Variants in BICDL1 observed in about 807,000 individuals in gnomAD.
BICDL1 encodes the protein BICD family-like cargo adapter 1.
In BICDL1, 20 loss-of-function variants were observed where a neutral mutation model predicts 76.8. The observed-to-expected ratio is 0.26, with a 90% CI of 0.18 to 0.38. BICDL1 has a LOEUF of 0.38. BICDL1 is among the 10% of genes least tolerant of loss of function. The pLI is 1.00. For missense variants in BICDL1, 700 were observed against 798.6 expected (o/e 0.88, Z 1.49); for synonymous variants, 383 against 337.1 (o/e 1.14, Z -1.49).
At chr12:120,077,969 C>A (rs75499226) in intron 7 of BICDL1, among the ~76,000 whole-genome samples, 19,041 of 152,206 alleles carry the variant, frequency 0.13, 1,490 homozygotes, top group East Asian at 0.38. Context: ...CCTCTGGTTT[C>A]CCTCTTGCCC....
chr12:120,062,044 T>C (rs1953116808), intron 3 of BICDL1, among the ~76,000 whole-genome samples: 3 of 152,188 alleles, frequency 2.0e-5, no homozygotes, highest in Admixed American at 2.0e-4. Context: ...ACGAATGACC[T>C]ACATTTTACT....
intron 2 of BICDL1, among the ~76,000 whole-genome samples, chr12:120,034,878 C>T (rs952066400): frequency 2.0e-5 from 3 of 152,232 alleles, no homozygotes; most frequent in African/African-American, 7.2e-5. Flanking sequence ...CCTGCCACTT[C>T]CAGTCTCTGT....
chr12:120,034,905 A>C (rs1952501752), intron 2 of BICDL1, among the ~76,000 whole-genome samples: 1 of 152,066 alleles, frequency 6.6e-6, no homozygotes, highest in African/African-American at 2.4e-5. Context: ...TAACCTTTAC[A>C]TTTTTATTTT....
At chr12:120,086,507 C>A (rs1187224188) in intron 8 of BICDL1, among the ~76,000 whole-genome samples, 1 of 152,154 alleles carries the variant, frequency 6.6e-6, no homozygotes, top group Non-Finnish European at 1.5e-5. Context: ...TTGGGTGGGG[C>A]CCACTTCTTT....
chr12:120,062,128 C>G (rs1953118514), intron 3 of BICDL1, among the ~76,000 whole-genome samples: 1 of 152,190 alleles, frequency 6.6e-6, no homozygotes, highest in Admixed American at 6.5e-5. Context: ...TCGCCTTTCT[C>G]TATTCCATTT....
chr12:120,030,953 A>T (rs542455273), intron 2 of BICDL1, among the ~76,000 whole-genome samples: 2 of 152,164 alleles, frequency 1.3e-5, no homozygotes, highest in Non-Finnish European at 2.9e-5. Flanking sequence ...AATTTCTCTT[A>T]TAGAACATGT....
intron 6 of BICDL1, 75 bp from the exon 7 acceptor site, chr12:120,074,368 A>T: frequency 1.0e-6 from 1 of 959,622 alleles, no homozygotes; most frequent in Non-Finnish European, 1.3e-6. Flanking sequence ...TCCCCGACTA[A>T]CCATCTCTCT....
intron 2 of BICDL1, among the ~76,000 whole-genome samples, chr12:120,048,361 TTTG>T (rs1952787980): frequency 1.3e-5 from 2 of 152,280 alleles, no homozygotes; most frequent in African/African-American, 4.8e-5. Context: ...AAGCTTAAGT[TTTG>T]TTTTAGTTTC....
chr12:120,036,238 C>T (rs1245899350), intron 2 of BICDL1, among the ~76,000 whole-genome samples: 1 of 152,132 alleles, frequency 6.6e-6, no homozygotes, highest in African/African-American at 2.4e-5. Context: ...GACAGCTTCT[C>T]CAATTATTTT....
chr12:120,007,358 GA>G (rs370041630), intron 2 of BICDL1, among the ~76,000 whole-genome samples: 23 of 152,262 alleles, frequency 1.5e-4, no homozygotes, highest in Middle Eastern at 3.4e-3. Flanking sequence ...GCTCTCTCAG[GA>G]CCTGAGACTC....
intron 2 of BICDL1, among the ~76,000 whole-genome samples, chr12:120,054,024 A>C (rs558659913): frequency 6.6e-6 from 1 of 152,094 alleles, no homozygotes; most frequent in Non-Finnish European, 1.5e-5. Flanking sequence ...AATATAAAAA[A>C]AATAAGCCAG....
Position 120,094,439 on chromosome 12 carries a change from A to G in BICDL1, c.*1278A>G, listed in dbSNP as rs943069312. On this transcript the variant is annotated 3_prime_UTR_variant, in exon 10 of 10. Coordinates refer to ENST00000548673, the MANE Select transcript of BICDL1 (RefSeq NM_001367886.1). ...AAAGGCATATTTTTAGAAAAACAGC[A>G]CACCACTGCTTCTTTTGAAAATAGT... 3.3e-5 allele frequency: 11 copies of G among 330,194 alleles called. No homozygotes were observed. The highest frequency in any genetic ancestry group is 4.9e-5 in the Non-Finnish European group (8 of 162,538). 20.5% of individuals were successfully genotyped at this position (330,194 alleles called of 1,614,324 possible).
rs1466744895 is a variant in BICDL1 at position 120,074,520 on chromosome 12, G to A, written c.1386G>A (p.Glu462=). The change falls in exon 7 of 10, where the codon GAG becomes GAA. Residue 462 remains glutamate (E), a synonymous_variant. Coordinates refer to ENST00000548673, the MANE Select transcript of BICDL1 (RefSeq NM_001367886.1). ...QTSEDSRALR[E]LMEGERGKLR... ...GTGAGGACTCGAGAGCCCTAAGGGA[G>A]CTCATGGAGGGAGAGAGGGGTAAAC... 1.6e-6 allele frequency: 2 copies of A among 1,281,452 alleles called. No homozygotes were observed. Among genetic ancestry groups the A allele is most frequent in the Admixed American group, 4.7e-5 (2 of 42,308 alleles). The allele number at this position is 1,281,452 out of a possible 1,614,324, so 79.4% of individuals were successfully genotyped here. A position where few individuals can be genotyped will look rare whatever the true frequency, so the allele number is the denominator to read the frequency against.
In BICDL1 at chr12:120,094,251, A is replaced by C. The variant is rs886185987; in HGVS notation, c.*1090A>C. The C allele has an allele frequency of 1.8e-5, 8 of 456,518 alleles. No individual in the cohort carries two copies. In the East Asian group the frequency reaches 4.9e-4, roughly 28 times the overall value. The allele number at this position is 456,518 out of a possible 1,614,324, so 28.3% of individuals were successfully genotyped here. On this transcript the variant is annotated 3_prime_UTR_variant, in exon 10 of 10. Coordinates refer to ENST00000548673, the MANE Select transcript of BICDL1 (RefSeq NM_001367886.1). ...CCCGGCCAGCCCTCAGCTGCTCACA[A>C]CCGATTCAGTCTCCCTCCCTCCCTC... is the stretch of plus-strand genomic sequence containing the variant.
intron 2 of BICDL1, among the ~76,000 whole-genome samples, chr12:120,021,586 C>CAAAAAA (rs145151630): frequency 2.4e-4 from 11 of 46,288 alleles, no homozygotes; most frequent in East Asian, 6.7e-4. Context: ...GACTCCATCT[C>CAAAAAA]AAAAAAAAAA....
intron 2 of BICDL1, among the ~76,000 whole-genome samples, chr12:120,055,238 C>T (rs1045052517): frequency 6.6e-5 from 10 of 152,140 alleles, no homozygotes; most frequent in African/African-American, 2.4e-4. Flanking sequence ...TTTATTAGTT[C>T]ATTTGTTTTC....
intron 2 of BICDL1, among the ~76,000 whole-genome samples, chr12:120,025,272 G>A (rs536535865): frequency 2.6e-4 from 40 of 151,778 alleles, no homozygotes; most frequent in Non-Finnish European, 1.0e-4. Context: ...GGATGGTCTT[G>A]ATCTCCTGAC....
chr12:120,039,637 C>CAA (rs58284420), intron 2 of BICDL1, among the ~76,000 whole-genome samples: 2,411 of 53,064 alleles, frequency 0.045, 269 homozygotes, highest in African/African-American at 0.13. Flanking sequence ...GACTCCGTCT[C>CAA]AAAAAAAAAA....
At chr12:120,080,864 T>C (rs1160637268) in intron 7 of BICDL1, 23 bp from the exon 8 acceptor site, 2 of 1,610,464 alleles carry the variant, frequency 1.2e-6, no homozygotes, top group East Asian at 2.2e-5. Flanking sequence ...GCAGCAGTGA[T>C]ACCATATTCA....
Sources: allele counts gnomAD v4.1 joint callset (sites outside exome capture counted in the v4.1 genomes callset), GRCh38; gene constraint gnomAD v4.1.1; transcripts MANE v1.5; gene names NCBI Gene and HGNC (gene_info 2026-07-23, HGNC 2026-07-21).